The following VAV3 variants were observed in gnomAD, a reference collection of about 807,000 sequenced individuals.
VAV3 encodes guanine nucleotide exchange factor VAV3.
Under a neutral mutation model 131.2 loss-of-function variants are expected in VAV3, and 94 were observed. The ratio of observed to expected loss-of-function variants is 0.72; its 90% CI spans 0.61 to 0.85. The LOEUF is 0.85. Ranked by LOEUF, VAV3 falls within the 40% of genes least tolerant of loss-of-function variation. The probability of loss-of-function intolerance (pLI) is 0.00; values close to 1 mark genes in which losing one functional copy is unlikely to be tolerated. For synonymous variants in VAV3, 349 were observed against 342.0 expected, an observed-to-expected ratio of 1.02 and a Z score of -0.22; for missense variants, 939 against 1,002.7, an observed-to-expected ratio of 0.94 and a Z score of 0.86.
chr1:107,959,143 C>G (rs1362924932), intron 1 of VAV3, among the ~76,000 whole-genome samples: 1 of 152,076 alleles, frequency 6.6e-6, no homozygotes, highest in Non-Finnish European at 1.5e-5. Context: ...CACCTGTAAT[C>G]CTAGCTACCT....
At chr1:107,634,285 T>C (rs1008870379) in intron 20 of VAV3, among the ~76,000 whole-genome samples, 3 of 152,010 alleles carry the variant, frequency 2.0e-5, no homozygotes, top group African/African-American at 7.2e-5. Flanking sequence ...GATAGACCAA[T>C]GGAACAGAAC....
rs149570483 is a variant in VAV3, at chr1:107,809,554, G to A, written c.322-30062C>T. Among the ~76,000 whole-genome samples the A allele has an allele frequency of 3.0e-3, 458 of 152,174 alleles. 5 individuals carry two copies. The highest frequency in any genetic ancestry group is 0.01 in the African/African-American group (434 of 41,534). On this transcript the variant is annotated intron_variant, in intron 2 of 26. Coordinates refer to ENST00000370056, the MANE Select transcript of VAV3 (RefSeq NM_006113.5). The stretch of plus-strand genomic sequence containing the variant: ...GCAAAACCCTGTCATAAATATTTTT[G>A]AGAAAACTAAAATTTGTAAACCAAT...
chr1:107,575,838 A>G (rs533292022), intron 25 of VAV3, among the ~76,000 whole-genome samples: 1 of 152,174 alleles, frequency 6.6e-6, no homozygotes, highest in African/African-American at 2.4e-5. Context: ...ACTTTATCTA[A>G]TGTATACCCT....
Position 107,949,759 on chromosome 1 carries a change from A to G in VAV3, c.204+14907T>C, listed in dbSNP as rs551972570. Among the ~76,000 whole-genome samples the G allele has an allele frequency of 6.9e-4, 105 of 152,324 alleles. 1 individual carries two copies. The highest frequency in any genetic ancestry group is 2.3e-3 in the African/African-American group (97 of 41,568). On this transcript the variant is annotated intron_variant, in intron 1 of 26. Coordinates refer to ENST00000370056, the MANE Select transcript of VAV3 (RefSeq NM_006113.5). ...GTACACACACAGTTCTATTTGTCATAATAATCTCAACTTATGCATTTCTTG... is the reference window on the plus strand; with the variant it reads ...GTACACACACAGTTCTATTTGTCATGATAATCTCAACTTATGCATTTCTTG...
chr1:107,631,956 A>G (rs1402152173), intron 20 of VAV3, among the ~76,000 whole-genome samples: 1 of 152,066 alleles, frequency 6.6e-6, no homozygotes, highest in Non-Finnish European at 1.5e-5. Flanking sequence ...ATGTACCTTT[A>G]TAGCAGCATG....
chr1:107,720,493 A>C (rs958269901), intron 15 of VAV3, among the ~76,000 whole-genome samples: 4 of 148,940 alleles, frequency 2.7e-5, no homozygotes, highest in Non-Finnish European at 5.9e-5. Flanking sequence ...AGCCTGACCA[A>C]CATGGAGAAA....
At position 107,764,512 on chromosome 1, in the gene VAV3, G is replaced by A. The variant is rs532261828; in HGVS notation, c.921+564C>T. ...TCTGATTCTAAATGTCATATTTTTA[G>A]TAAACATCTTTTTTATTTTGTTTTT... On this transcript the variant is annotated intron_variant, in intron 9 of 26. Transcript: ENST00000370056. 6.6e-5 allele frequency among the ~76,000 whole-genome samples: 10 copies of A among 152,218 alleles called. No individual in the cohort carries two copies. The East Asian group carries it at 1.7e-3, about 26-fold the overall frequency.
chr1:107,665,908 G>A (rs909112896), intron 19 of VAV3, among the ~76,000 whole-genome samples: 3 of 152,164 alleles, frequency 2.0e-5, no homozygotes, highest in African/African-American at 7.2e-5. Context: ...AACAAACGGT[G>A]AAGGATATTA....
At chr1:107,736,278 T>C (rs1662625562) in intron 15 of VAV3, among the ~76,000 whole-genome samples, 1 of 152,154 alleles carries the variant, frequency 6.6e-6, no homozygotes, top group Admixed American at 6.5e-5. Context: ...ACTGGAAGCA[T>C]TCCCTTTGAA....
intron 15 of VAV3, among the ~76,000 whole-genome samples, chr1:107,720,466 AAAAG>A (rs1032349744): frequency 6.7e-6 from 1 of 149,952 alleles, no homozygotes; most frequent in African/African-American, 2.4e-5. Flanking sequence ...AAAAAAAAAA[AAAAG>A]GAGTTTGAGA....
chr1:107,656,384 T>G (rs1263498587), intron 19 of VAV3, among the ~76,000 whole-genome samples: 2 of 152,164 alleles, frequency 1.3e-5, no homozygotes, highest in South Asian at 4.1e-4. Context: ...ATATTGCATG[T>G]TCTCCCTCCT....
chr1:107,775,159 C>T (rs942211469), intron 4 of VAV3, among the ~76,000 whole-genome samples: 4 of 152,316 alleles, frequency 2.6e-5, no homozygotes, highest in South Asian at 4.1e-4. Context: ...AGGTTTTCTC[C>T]AAATTTAGCT....
chr1:107,631,047 T>C (rs1358505791), intron 20 of VAV3, among the ~76,000 whole-genome samples: 3 of 152,172 alleles, frequency 2.0e-5, no homozygotes, highest in African/African-American at 7.2e-5. Flanking sequence ...CTATATCAAG[T>C]TCGGTACAAA....
chr1:107,632,843 T>C (rs1234077967), intron 20 of VAV3, among the ~76,000 whole-genome samples: 3 of 152,236 alleles, frequency 2.0e-5, no homozygotes, highest in Admixed American at 6.5e-5. Context: ...AATCATTACA[T>C]ATACCCCAGA....
intron 1 of VAV3, among the ~76,000 whole-genome samples, chr1:107,947,819 TTAAA>T (rs1156795717): frequency 6.6e-6 from 1 of 152,192 alleles, no homozygotes; most frequent in East Asian, 1.9e-4. Flanking sequence ...GAAGGATTCA[TTAAA>T]TAATCACTCA....
At chr1:107,704,906 C>T in intron 16 of VAV3, 54 bp downstream of exon 16, 1 of 1,532,228 alleles carries the variant, frequency 6.5e-7, no homozygotes, top group Non-Finnish European at 9.0e-7. Context: ...GTCTGAAACA[C>T]TTAGCAATTA....
At chr1:107,923,320 T>C (rs1281526018) in intron 1 of VAV3, among the ~76,000 whole-genome samples, 2 of 152,180 alleles carry the variant, frequency 1.3e-5, no homozygotes, top group Non-Finnish European at 2.9e-5. Context: ...TTTGAAGGTT[T>C]GTGTCTTCCT....
intron 3 of VAV3, among the ~76,000 whole-genome samples, 173 bp downstream of exon 3, chr1:107,779,261 G>C (rs778681029): frequency 2.6e-5 from 4 of 151,750 alleles, no homozygotes; most frequent in Non-Finnish European, 5.9e-5. Context: ...CTATCAATAA[G>C]TTCTACCTTG....
At chr1:107,929,499 C>G (rs1673319888) in intron 1 of VAV3, among the ~76,000 whole-genome samples, 1 of 151,990 alleles carries the variant, frequency 6.6e-6, no homozygotes, top group Non-Finnish European at 1.5e-5. Flanking sequence ...GTACAAAACT[C>G]ACTGGTAATA....
Sources: allele counts gnomAD v4.1 joint callset (sites outside exome capture counted in the v4.1 genomes callset), GRCh38; gene constraint gnomAD v4.1.1; transcripts MANE v1.5; gene names NCBI Gene and HGNC (gene_info 2026-07-23, HGNC 2026-07-21).